AGPAT5: variants seen among roughly 807,000 people sequenced by gnomAD.
AGPAT5 encodes the protein 1-acyl-sn-glycerol-3-phosphate acyltransferase epsilon.
Under a neutral mutation model 45.6 loss-of-function variants are expected in AGPAT5, and 46 were observed. The ratio of observed to expected loss-of-function variants is 1.01; its 90% CI spans 0.80 to 1.29. The LOEUF is 1.29. Among genes scored for constraint, AGPAT5 ranks in the 50% most tolerant of loss-of-function variants. The probability of loss-of-function intolerance (pLI) is 0.00; values close to 1 mark genes in which losing one functional copy is unlikely to be tolerated. For synonymous variants in AGPAT5, 272 were observed against 167.0 expected, an observed-to-expected ratio of 1.63 and a Z score of -4.85; for missense variants, 673 against 450.7, an observed-to-expected ratio of 1.49 and a Z score of -4.47.
At chr8:6,741,812 T>A (rs983444070) in intron 5 of AGPAT5, 61 bp downstream of exon 5, 1 of 1,327,436 alleles carries the variant, frequency 7.5e-7, no homozygotes, top group Non-Finnish European at 1.1e-6. Context: ...TTTTTAGTTT[T>A]TCTTCCTGGA....
rs928578044 is a variant in AGPAT5 at position 6,760,737 on chromosome 8, T to G, written c.*3349T>G. ...AGTTTTCATTACGAGTAACTCACAC[T>G]TTTTGATTAAAGAACTTGAAATTAC... On this transcript the variant is annotated 3_prime_UTR_variant, in exon 8 of 8. Transcript: ENST00000285518. Among the ~76,000 whole-genome samples, 1 of 152,212 alleles carries G rather than the reference T, an allele frequency of 6.6e-6. No homozygotes were observed. Among genetic ancestry groups the G allele is most frequent in the Non-Finnish European group, 1.5e-5 (1 of 68,034 alleles).
chr8:6,756,486 C>T (rs185371536), intron 7 of AGPAT5, among the ~76,000 whole-genome samples: 11 of 152,000 alleles, frequency 7.2e-5, no homozygotes, highest in East Asian at 1.9e-4. Flanking sequence ...ATTAGCCAGG[C>T]GTGCACCTGT....
intron 1 of AGPAT5, among the ~76,000 whole-genome samples, chr8:6,724,637 G>A (rs1457277512): frequency 2.1e-5 from 3 of 140,868 alleles, no homozygotes; most frequent in African/African-American, 5.5e-5. Context: ...TTTTTCTCAT[G>A]AGGATATTGA....
chr8:6,735,487 C>G (rs144026557), intron 4 of AGPAT5, among the ~76,000 whole-genome samples: 2 of 152,224 alleles, frequency 1.3e-5, no homozygotes, highest in African/African-American at 4.8e-5. Context: ...ACTTGGCTTT[C>G]TGCAAAATTG....
chr8:6,735,463 T>C (rs1442549792), intron 4 of AGPAT5, among the ~76,000 whole-genome samples: 1 of 152,252 alleles, frequency 6.6e-6, no homozygotes, highest in Non-Finnish European at 1.5e-5. Context: ...GGTTCGTCTG[T>C]TCCACTGGCT....
intron 4 of AGPAT5, among the ~76,000 whole-genome samples, chr8:6,734,537 T>C (rs1341985719): frequency 1.3e-5 from 2 of 152,256 alleles, no homozygotes; most frequent in Non-Finnish European, 2.9e-5. Context: ...TATCATTTTA[T>C]TATACTTGCA....
chr8:6,757,137 C>T (rs368960148), intron 7 of AGPAT5, 26 bp from the exon 8 acceptor site: 48 of 1,581,224 alleles, frequency 3.0e-5, no homozygotes, highest in Non-Finnish European at 4.2e-5. Context: ...TGACTAAAAT[C>T]TAAACTTTTT....
chr8:6,758,832 A>G lies in AGPAT5; in HGVS notation c.*1444A>G, dbSNP rs1486248107. On this transcript the variant is annotated 3_prime_UTR_variant, in exon 8 of 8. Transcript: ENST00000285518. ...TTTCCTCATAGTCCTTTAAGTTGAC[A>G]TTTCTGCTTACTGCTACTGGATTTT... The G allele has an allele frequency of 6.6e-6, 1 of 152,640 alleles. No homozygotes were observed. The highest frequency in any genetic ancestry group is 1.5e-5 in the Non-Finnish European group (1 of 68,046). The allele number at this position is 152,640 out of a possible 1,614,324, so 9.5% of individuals were successfully genotyped here.
chr8:6,711,747 T>C (rs1455620266), intron 1 of AGPAT5, among the ~76,000 whole-genome samples: 1 of 152,194 alleles, frequency 6.6e-6, no homozygotes, highest in African/African-American at 2.4e-5. Flanking sequence ...AATCCGTTCT[T>C]GTGGGTTTCA....
At position 6,760,492 on chromosome 8, in the gene AGPAT5, A is replaced by G. The variant is rs1428507627; in HGVS notation, c.*3104A>G. ...TGTACCACAAAAAATGTGAAAAGAG[A>G]GAGAAATGTCTACCAAAGCAGTATT... On this transcript the variant is annotated 3_prime_UTR_variant, in exon 8 of 8. Transcript: ENST00000285518. Among the ~76,000 whole-genome samples, 15 of 152,242 alleles carry G rather than the reference A, an allele frequency of 9.9e-5. No homozygotes were observed. Among genetic ancestry groups the G allele is most frequent in the Admixed American group, 9.8e-4 (15 of 15,288 alleles).
intron 1 of AGPAT5, among the ~76,000 whole-genome samples, chr8:6,717,585 A>G (rs1800371625): frequency 6.6e-6 from 1 of 152,258 alleles, no homozygotes; most frequent in Non-Finnish European, 1.5e-5. Flanking sequence ...TAAAGAAATG[A>G]ACAAAGAACT....
intron 1 of AGPAT5, among the ~76,000 whole-genome samples, chr8:6,720,833 A>T (rs968932596): frequency 1.3e-5 from 2 of 152,144 alleles, no homozygotes; most frequent in Non-Finnish European, 2.9e-5. Flanking sequence ...AGCGTTCTTA[A>T]TACTATGGAA....
chr8:6,721,606 C>T (rs879845816), intron 1 of AGPAT5, among the ~76,000 whole-genome samples: 20 of 152,102 alleles, frequency 1.3e-4, no homozygotes, highest in Non-Finnish European at 2.2e-4. Flanking sequence ...GGGTGTTTTG[C>T]CCAAGTTCTC....
In AGPAT5 at chr8:6,747,694, T is replaced by C; in HGVS notation, c.611T>C (p.Leu204Pro). ...GGCCTTGCAGTATTAAAACATGTGC[T>C]AACACCACGAATAAAGGCAACTCAC... Reference protein sequence around the residue: ...QRGLAVLKHVLTPRIKATHVA... With the variant: ...QRGLAVLKHVPTPRIKATHVA... Residue 204 changes from leucine to proline, a missense_variant, in exon 6 of 8, where the codon CTA (leucine) becomes CCA (proline). By Grantham distance (98) the Leu-to-Pro change is moderately conservative. Transcript: ENST00000285518. 6.2e-7 allele frequency: 1 copy of C among 1,614,188 alleles called. No individual in the cohort carries two copies. Among genetic ancestry groups the C allele is most frequent in the Non-Finnish European group, 8.5e-7 (1 of 1,180,010 alleles).
At chr8:6,728,113 G>C (rs544871791) in intron 2 of AGPAT5, among the ~76,000 whole-genome samples, 13 of 152,276 alleles carry the variant, frequency 8.5e-5, no homozygotes, top group Admixed American at 7.8e-4. Context: ...TGTTTCATGA[G>C]GATAGGGATG....
intron 1 of AGPAT5, among the ~76,000 whole-genome samples, chr8:6,712,949 C>A (rs1452636887): frequency 6.6e-6 from 1 of 152,086 alleles, no homozygotes; most frequent in African/African-American, 2.4e-5. Flanking sequence ...GAAAACTGAT[C>A]ATTGAAATTT....
At chr8:6,710,061 C>T (rs918516257) in intron 1 of AGPAT5, among the ~76,000 whole-genome samples, 1 of 152,166 alleles carries the variant, frequency 6.6e-6, no homozygotes, top group South Asian at 2.1e-4. Context: ...TAAGTTTTTA[C>T]TTCCACATCA....
chr8:6,710,840 G>T (rs991569993), intron 1 of AGPAT5, among the ~76,000 whole-genome samples: 1 of 152,112 alleles, frequency 6.6e-6, no homozygotes, highest in African/African-American at 2.4e-5. Context: ...CTGTGACTTT[G>T]TACCATTAAC....
At chr8:6,738,448 C>G (rs576298125) in intron 4 of AGPAT5, 1 of 152,200 alleles carries the variant, frequency 6.6e-6, no homozygotes, top group South Asian at 2.1e-4. Context: ...TCATGGCACC[C>G]CCAAACAATT....
Sources: gnomAD v4.1 joint callset for allele counts (sites outside exome capture counted in the v4.1 genomes callset) on GRCh38, gnomAD v4.1.1 for gene constraint, MANE v1.5 for transcripts, NCBI Gene and HGNC (gene_info 2026-07-23, HGNC 2026-07-21) for gene names.